CD302: variants seen among roughly 807,000 people sequenced by gnomAD.
CD302 encodes the protein CD302 molecule, also known as CD302 antigen.
CD302 carries 23 observed loss-of-function variants against 26.5 expected under a neutral mutation model. The ratio of observed to expected loss-of-function variants is 0.87; its 90% confidence interval spans 0.62 to 1.23. The LOEUF is 1.23. Among genes scored for constraint, CD302 ranks in the 50% most tolerant of loss-of-function variants. The pLI, the probability that CD302 is intolerant of heterozygous loss-of-function variation, is 0.00. For missense variants in CD302, 290 were observed against 275.5 expected (o/e 1.05, Z -0.37); for synonymous variants, 90 against 99.4 (o/e 0.91, Z 0.56).
chr2:159,771,016 T>A lies in CD302; in HGVS notation c.*835A>T, dbSNP rs902465537. On this transcript the variant is annotated 3_prime_UTR_variant, in exon 6 of 6. Transcript: ENST00000259053. ...TGTACAATAAATGCACTGAAAACTT[T>A]GATCACTGTCACTACAGTTGTACTT... is the stretch of plus-strand genomic sequence containing the variant. 2.6e-5 allele frequency: 4 copies of A among 152,218 alleles called. No individual in the cohort carries two copies. Among genetic ancestry groups the A allele is most frequent in the African/African-American group, 9.6e-5 (4 of 41,460 alleles). 9.4% of individuals were successfully genotyped at this position (152,218 alleles called of 1,614,324 possible).
Position 159,770,982 on chromosome 2 carries a change from T to C in CD302, c.*869A>G, listed in dbSNP as rs539033453. On this transcript the variant is annotated 3_prime_UTR_variant, in exon 6 of 6. Coordinates refer to ENST00000259053, the MANE Select transcript of CD302 (RefSeq NM_014880.5). ...TACTCCCCAAATGATTTTCACCTTT[T>C]TCTTAAAATGTACAATAAATGCACT... 1.2e-4 allele frequency: 19 copies of C among 152,330 alleles called. No homozygotes were observed. Among genetic ancestry groups the C allele is most frequent in the African/African-American group, 4.3e-4 (18 of 41,584 alleles). The allele number at this position is 152,330 out of a possible 1,614,324, so 9.4% of individuals were successfully genotyped here. A position where few individuals can be genotyped will look rare whatever the true frequency, so the allele number is the denominator to read the frequency against.
intron 1 of CD302, among the ~76,000 whole-genome samples, chr2:159,795,434 A>G (rs995986267): frequency 1.3e-5 from 2 of 152,244 alleles, no homozygotes; most frequent in African/African-American, 2.4e-5. Flanking sequence ...CACAAATCAA[A>G]ACAAAACAAA....
At chr2:159,790,170 A>G (rs1223409485) in intron 1 of CD302, among the ~76,000 whole-genome samples, 1 of 152,210 alleles carries the variant, frequency 6.6e-6, no homozygotes, top group Non-Finnish European at 1.5e-5. Flanking sequence ...GAAAAAGAGT[A>G]AAAGTCTTCT....
chr2:159,785,781 T>C lies in CD302; in HGVS notation c.68-2312A>G, dbSNP rs188307022. Among the ~76,000 whole-genome samples, 670 of 152,348 alleles carry C rather than the reference T, an allele frequency of 4.4e-3. 2 individuals carry two copies. Among genetic ancestry groups the C allele is most frequent in the Middle Eastern group, 6.8e-3 (2 of 294 alleles). On this transcript the variant is annotated intron_variant, in intron 1 of 5. Coordinates refer to ENST00000259053, the MANE Select transcript of CD302 (RefSeq NM_014880.5). ...TGCTCATCCTTTGAGGCTCAGGCCA[T>C]CTATACCACCTTCTCCAAGACATCC... is the stretch of plus-strand genomic sequence containing the variant.
chr2:159,779,265 C>T (rs866585748), intron 4 of CD302, among the ~76,000 whole-genome samples: 2 of 133,454 alleles, frequency 1.5e-5, no homozygotes, highest in East Asian at 2.2e-4. Flanking sequence ...AACCTTCTGA[C>T]GGGTCAGAAG....
rs1385985105 is a variant in CD302, at chr2:159,782,525, G to T, written c.178+834C>A. Among the ~76,000 whole-genome samples, 5 of 150,732 alleles carry T rather than the reference G, an allele frequency of 3.3e-5. No individual in the cohort carries two copies. The East Asian group carries it at 9.8e-4, about 29-fold the overall frequency. ...AGGTGAGAGGATCACTTGAGGCCAA[G>T]AGTTTCAGACCAGCCTGGGCAACAT... On this transcript the variant is annotated intron_variant, in intron 2 of 5. Coordinates refer to ENST00000259053, the MANE Select transcript of CD302 (RefSeq NM_014880.5).
chr2:159,789,984 G>C lies in CD302; in HGVS notation c.68-6515C>G, dbSNP rs201551181. ...GGAATTTAATCTAGATTTTCTAGTT[G>C]TTCTTAATGGGAGTGTTAGTCTCCT... On this transcript the variant is annotated intron_variant, in intron 1 of 5. Transcript: ENST00000259053. Among the ~76,000 whole-genome samples the C allele has an allele frequency of 1.8e-4, 5 of 27,580 alleles. No homozygotes were observed. In the Admixed American group the frequency reaches 3.0e-3, roughly 17 times the overall value. The allele number at this position is 27,580 out of a possible 152,430, so 18.1% of individuals were successfully genotyped here.
Position 159,769,643 on chromosome 2 carries a change from C to CATATATATATATAT in CD302, c.*2194_*2207dup, listed in dbSNP as rs34620033. ...CCTGGGCAGCACAGTGAGACTCCATCATATATATATATATAGCACTTCATT... is the reference window on the plus strand; with the variant it reads ...CCTGGGCAGCACAGTGAGACTCCATCATATATATATATATATATATATATATATAGCACTTCATT... On this transcript the variant is annotated 3_prime_UTR_variant, in exon 6 of 6. Coordinates refer to ENST00000259053, the MANE Select transcript of CD302 (RefSeq NM_014880.5). The CATATATATATATAT allele has an allele frequency of 1.9e-3, 282 of 150,992 alleles. 1 individual carries two copies. Among genetic ancestry groups the CATATATATATATAT allele is most frequent in the African/African-American group, 6.7e-3 (275 of 41,280 alleles). The allele number at this position is 150,992 out of a possible 1,614,324, so 9.4% of individuals were successfully genotyped here.
intron 1 of CD302, among the ~76,000 whole-genome samples, chr2:159,795,701 T>C (rs879384554): frequency 1.3e-5 from 2 of 152,156 alleles, no homozygotes; most frequent in Admixed American, 1.3e-4. Flanking sequence ...CCAGAGGTGT[T>C]GGAGTACCCA....
At chr2:159,776,669 T>C (rs953782154) in intron 5 of CD302, among the ~76,000 whole-genome samples, 2 of 150,454 alleles carry the variant, frequency 1.3e-5, no homozygotes, top group African/African-American at 4.9e-5. Flanking sequence ...AACCCCCAAA[T>C]AGAAAACTGG....
chr2:159,785,282 T>C (rs1708637579), intron 1 of CD302, among the ~76,000 whole-genome samples: 1 of 152,078 alleles, frequency 6.6e-6, no homozygotes, highest in African/African-American at 2.4e-5. Flanking sequence ...ACCTATAATT[T>C]ATTTTATATC....
In CD302 at chr2:159,770,454, AAAG is replaced by A. The variant is rs1214623060; in HGVS notation, c.*1394_*1396del. The A allele has an allele frequency of 6.6e-6, 1 of 152,086 alleles. No individual in the cohort carries two copies. Among genetic ancestry groups the A allele is most frequent in the Non-Finnish European group, 1.5e-5 (1 of 68,024 alleles). 9.4% of individuals were successfully genotyped at this position (152,086 alleles called of 1,614,324 possible). A position where few individuals can be genotyped will look rare whatever the true frequency, so the allele number is the denominator to read the frequency against. ...TGTTTTCGATTCATGTGGTCAATAA[AAAG>A]AGACTACACAAGCTGGAACTTTGTT... On this transcript the variant is annotated 3_prime_UTR_variant, in exon 6 of 6. Coordinates refer to ENST00000259053, the MANE Select transcript of CD302 (RefSeq NM_014880.5).
intron 1 of CD302, among the ~76,000 whole-genome samples, chr2:159,791,800 G>A (rs1708814226): frequency 6.6e-6 from 1 of 152,176 alleles, no homozygotes; most frequent in Non-Finnish European, 1.5e-5. Flanking sequence ...GTACCTATCT[G>A]AGGGGGTGCT....
chr2:159,787,214 C>T (rs1708690427), intron 1 of CD302, among the ~76,000 whole-genome samples: 1 of 152,114 alleles, frequency 6.6e-6, no homozygotes, highest in African/African-American at 2.4e-5. Flanking sequence ...TACTGCCAAA[C>T]ACTTTTTCTA....
At chr2:159,778,604 TGAAGTA>T (rs1379885376) in intron 4 of CD302, among the ~76,000 whole-genome samples, 1 of 152,178 alleles carries the variant, frequency 6.6e-6, no homozygotes, top group Admixed American at 6.5e-5. Context: ...GGTTTACAGT[TGAAGTA>T]GAAGGGGAAA....
intron 1 of CD302, among the ~76,000 whole-genome samples, chr2:159,788,112 A>C (rs1708716724): frequency 6.6e-6 from 1 of 152,140 alleles, no homozygotes; most frequent in Non-Finnish European, 1.5e-5. Flanking sequence ...TCTCAAAAAA[A>C]AAAAAAGAAA....
intron 1 of CD302, among the ~76,000 whole-genome samples, chr2:159,784,390 C>T (rs1053423690): frequency 1.2e-4 from 12 of 97,070 alleles, no homozygotes; most frequent in Non-Finnish European, 2.0e-4. Context: ...AGATCTTGTA[C>T]TGTCGTCCTG....
At position 159,784,191 on chromosome 2, in the gene CD302, T is replaced by G. The variant is rs146492723; in HGVS notation, c.68-722A>C. 7.0e-4 allele frequency among the ~76,000 whole-genome samples: 106 copies of G among 152,248 alleles called. No individual in the cohort carries two copies. In the Middle Eastern group the frequency reaches 0.02, roughly 29 times the overall value. On this transcript the variant is annotated intron_variant, in intron 1 of 5. Coordinates refer to ENST00000259053, the MANE Select transcript of CD302 (RefSeq NM_014880.5). Reference sequence around the variant, plus strand: ...AAAAGTAACCCTGCAAGAGTTGATTTCACTGGCCAAAATGGAAAGAGAATT... The same window carrying G: ...AAAAGTAACCCTGCAAGAGTTGATTGCACTGGCCAAAATGGAAAGAGAATT...
Position 159,770,806 on chromosome 2 carries a change from C to G in CD302, c.*1045G>C, listed in dbSNP as rs1126842. ...GTGTAAATACAAGCTGATTTTCACA[C>G]AAGATTCCCTAACTATGCATTTCTT... On this transcript the variant is annotated 3_prime_UTR_variant, in exon 6 of 6. Coordinates refer to ENST00000259053, the MANE Select transcript of CD302 (RefSeq NM_014880.5). The G allele has an allele frequency of 0.34, 52,061 of 151,974 alleles. 9,119 individuals carry two copies. Among genetic ancestry groups the G allele is most frequent in the South Asian group, 0.44 (2,118 of 4,820 alleles). The allele number at this position is 151,974 out of a possible 1,614,324, so 9.4% of individuals were successfully genotyped here.
Sources: gnomAD v4.1 joint callset for allele counts (sites outside exome capture counted in the v4.1 genomes callset) on GRCh38, gnomAD v4.1.1 for gene constraint, MANE v1.5 for transcripts, NCBI Gene and HGNC (gene_info 2026-07-23, HGNC 2026-07-21) for gene names.